The following APCDD1 variants were observed in gnomAD, a reference collection of about 807,000 sequenced individuals.
APCDD1 encodes the protein protein APCDD1.
In APCDD1, 15 loss-of-function variants were observed where a neutral mutation model predicts 38.1. The observed-to-expected ratio is 0.39, with a 90% CI of 0.26 to 0.61. APCDD1 has a LOEUF of 0.61. Ranked by LOEUF, APCDD1 falls within the 20% of genes least tolerant of loss-of-function variation. The pLI is 0.49. For synonymous variants in APCDD1, 261 were observed against 279.7 expected, an observed-to-expected ratio of 0.93 and a Z score of 0.67; for missense variants, 647 against 696.2, an observed-to-expected ratio of 0.93 and a Z score of 0.79.
chr18:10,458,951 T>C (rs887656344), intron 1 of APCDD1, among the ~76,000 whole-genome samples: 2 of 152,214 alleles, frequency 1.3e-5, no homozygotes, highest in African/African-American at 4.8e-5. Flanking sequence ...CTTAGTCCTC[T>C]CCAGTTTGGG....
rs145267376 is a variant in APCDD1, at chr18:10,484,125, C to CTTCTGGAA, written c.775-1336_775-1329dup. Among the ~76,000 whole-genome samples, 1,285 of 152,324 alleles carry CTTCTGGAA rather than the reference C, an allele frequency of 8.4e-3. 21 individuals carry two copies. Among genetic ancestry groups the CTTCTGGAA allele is most frequent in the African/African-American group, 0.029 (1,222 of 41,560 alleles). The stretch of plus-strand genomic sequence containing the variant: ...TAAAATAGACCAGGCAAGAGAGGGT[C>CTTCTGGAA]TTCTGGAAGGTCAGAGCTGTGGCCG... On this transcript the variant is annotated intron_variant, in intron 3 of 4. Transcript: ENST00000355285.
intron 1 of APCDD1, 61 bp downstream of exon 1, chr18:10,455,100 A>C: frequency 3.9e-6 from 6 of 1,542,244 alleles, no homozygotes; most frequent in Non-Finnish European, 5.2e-6. Context: ...GGCGCCGCGG[A>C]GCCCGCGGAG....
rs9954252 is a variant in APCDD1, at chr18:10,469,845, C to T, written c.242+1193C>T. 0.02 allele frequency among the ~76,000 whole-genome samples: 3,048 copies of T among 152,246 alleles called. 95 individuals carry two copies. The highest frequency in any genetic ancestry group is 0.069 in the African/African-American group (2,848 of 41,542). ...GAGGCTGGCTAGATTGGAGGACCTG[C>T]TGGCTGAGAACCCTGTGGCTGGGAT... is the stretch of plus-strand genomic sequence containing the variant. On this transcript the variant is annotated intron_variant, in intron 2 of 4. Coordinates refer to ENST00000355285, the MANE Select transcript of APCDD1 (RefSeq NM_153000.5). The surrounding 1 kb of genome is among the most constrained non-coding windows in gnomAD (Gnocchi z 5.5).
intron 3 of APCDD1, among the ~76,000 whole-genome samples, chr18:10,474,428 A>G (rs1051571184): frequency 6.6e-6 from 1 of 151,932 alleles, no homozygotes; most frequent in Admixed American, 6.6e-5. Context: ...CAAAACACCA[A>G]AAAGCACGGG....
At chr18:10,458,132 A>G (rs1344769268) in intron 1 of APCDD1, among the ~76,000 whole-genome samples, 1 of 152,244 alleles carries the variant, frequency 6.6e-6, no homozygotes, top group Non-Finnish European at 1.5e-5. Flanking sequence ...ATCCAGAATA[A>G]GTGTGACTGT....
chr18:10,487,617 A>T lies in APCDD1; in HGVS notation c.1124A>T (p.Asp375Val). 6.2e-7 allele frequency: 1 copy of T among 1,614,132 alleles called. No individual in the cohort carries two copies. The highest frequency in any genetic ancestry group is 8.5e-7 in the Non-Finnish European group (1 of 1,180,040). The change falls in exon 5 of 5, where the codon GAT becomes GTT. Residue 375 changes from aspartate to valine, a missense_variant. Physicochemically the swap from Asp to Val is radical, Grantham distance 152 (BLOSUM62 -3). Transcript: ENST00000355285. ...AATCACATGAAGGTCACCCCCATGG[A>T]TGCGGCCACAGCCTCACTGCTCAAC... ...KVNHMKVTPM[D>V]AATASLLNVF...
intron 1 of APCDD1, among the ~76,000 whole-genome samples, chr18:10,464,472 G>A (rs1202620815): frequency 6.6e-6 from 1 of 152,150 alleles, no homozygotes; most frequent in Non-Finnish European, 1.5e-5. Context: ...ACCCAGGCTG[G>A]AGTGCAGTGG....
At position 10,471,563 on chromosome 18, in the gene APCDD1, A is replaced by G; in HGVS notation, c.276A>G (p.Thr92=). Residue 92 remains threonine (T), a synonymous_variant, in exon 3 of 5, where the codon ACA becomes ACG. Coordinates refer to ENST00000355285, the MANE Select transcript of APCDD1 (RefSeq NM_153000.5). The surrounding 1 kb of genome is among the most constrained non-coding windows in gnomAD (Gnocchi z 5.5). ...CEVRSGPEFI[T]RSYRFYHNNT... is the part of the protein sequence containing the mutation. ...TAAGGTCAGGCCCAGAGTTCATCACAAGGTCCTACAGATTCTACCACAATA... is the reference window on the plus strand; with the variant it reads ...TAAGGTCAGGCCCAGAGTTCATCACGAGGTCCTACAGATTCTACCACAATA... The G allele has an allele frequency of 2.5e-6, 4 of 1,614,172 alleles. No individual in the cohort carries two copies. The highest frequency in any genetic ancestry group is 3.4e-6 in the Non-Finnish European group (4 of 1,180,034).
At chr18:10,460,237 C>G (rs373035063) in intron 1 of APCDD1, among the ~76,000 whole-genome samples, 3 of 152,306 alleles carry the variant, frequency 2.0e-5, no homozygotes, top group African/African-American at 7.2e-5. Context: ...TTGTTGAGGA[C>G]GGGCACGGTG....
intron 1 of APCDD1, among the ~76,000 whole-genome samples, chr18:10,462,479 T>C (rs1331625301): frequency 1.2e-4 from 3 of 25,196 alleles, no homozygotes; most frequent in Admixed American, 3.7e-4. Flanking sequence ...CCTTCCTTCC[T>C]TCCTGTGACC....
intron 3 of APCDD1, among the ~76,000 whole-genome samples, chr18:10,484,496 G>A (rs113514807): frequency 6.6e-6 from 1 of 152,060 alleles, no homozygotes; most frequent in African/African-American, 2.4e-5. Context: ...GGCACTGATC[G>A]CATTCATGTT....
In APCDD1 at chr18:10,488,088, A is replaced by C. The variant is rs1242356184; in HGVS notation, c.*50A>C. ...CAAACCAGGATTCCTTACTATTGAC[A>C]GATTTGCTTTACCAAAAGAAAAGAC... On this transcript the variant is annotated 3_prime_UTR_variant, in exon 5 of 5. Coordinates refer to ENST00000355285, the MANE Select transcript of APCDD1 (RefSeq NM_153000.5). 1.2e-6 allele frequency: 2 copies of C among 1,603,842 alleles called. No homozygotes were observed. The highest frequency in any genetic ancestry group is 2.2e-5 in the South Asian group (2 of 90,720).
intron 1 of APCDD1, among the ~76,000 whole-genome samples, chr18:10,463,809 T>C (rs2030632229): frequency 6.6e-6 from 1 of 152,200 alleles, no homozygotes. Context: ...AGGGAAAAGA[T>C]AAAAATGGAA....
chr18:10,458,978 A>G (rs886526291), intron 1 of APCDD1, among the ~76,000 whole-genome samples: 2 of 152,216 alleles, frequency 1.3e-5, no homozygotes, highest in Non-Finnish European at 2.9e-5. Context: ...ATTATTGTGG[A>G]AAGTCATGTG....
chr18:10,477,796 T>C (rs1009683372), intron 3 of APCDD1: 1 of 152,192 alleles, frequency 6.6e-6, no homozygotes, highest in African/African-American at 2.4e-5. Context: ...TTAATAAGTC[T>C]ACTTTAATTA....
Position 10,471,722 on chromosome 18 carries a change from C to T in APCDD1, c.435C>T (p.Tyr145=), listed in dbSNP as rs558862972. 3 of 1,614,184 alleles carry T rather than the reference C, an allele frequency of 1.9e-6. No homozygotes were observed. Among genetic ancestry groups the T allele is most frequent in the Admixed American group, 3.3e-5 (2 of 60,032 alleles). ...TCCGAGGGGGCACGGAAGCCGACTA[C>T]CAGCTGCACAACGTCCAGGTGATCT... The part of the protein sequence containing the change: ...WIIRGGTEAD[Y]QLHNVQVICH... Residue 145 remains tyrosine (Y), a synonymous_variant, in exon 3 of 5, where the codon TAC becomes TAT. Coordinates refer to ENST00000355285, the MANE Select transcript of APCDD1 (RefSeq NM_153000.5). This position sits in a 1 kb window ranked among gnomAD's most constrained non-coding sequence, Gnocchi z 5.5.
At chr18:10,465,281 C>T (rs2030678684) in intron 1 of APCDD1, among the ~76,000 whole-genome samples, 1 of 152,194 alleles carries the variant, frequency 6.6e-6, no homozygotes, top group Non-Finnish European at 1.5e-5. Flanking sequence ...AACACAGATG[C>T]TCATACTGTC....
chr18:10,477,892 C>G (rs1017619133), intron 3 of APCDD1: 2 of 152,138 alleles, frequency 1.3e-5, no homozygotes, highest in African/African-American at 2.4e-5. Flanking sequence ...TTCTTAAAGT[C>G]TTTTCTCTTA....
intron 3 of APCDD1, among the ~76,000 whole-genome samples, chr18:10,481,615 G>T (rs2031139793): frequency 6.6e-6 from 1 of 151,740 alleles, no homozygotes; most frequent in South Asian, 2.1e-4. Context: ...CCGCACAACA[G>T]TGTGAATATA....
Sources: allele counts gnomAD v4.1 joint callset (sites outside exome capture counted in the v4.1 genomes callset), GRCh38; gene constraint gnomAD v4.1.1; non-coding constraint Gnocchi (gnomAD v3.1); transcripts MANE v1.5; gene names NCBI Gene and HGNC (gene_info 2026-07-23, HGNC 2026-07-21).